Variants in PLD5 observed in about 807,000 individuals in gnomAD.
The protein encoded by PLD5 is phospholipase D family member 5, also known as inactive phospholipase D5.
PLD5 carries 36 observed loss-of-function variants against 61.1 expected under a neutral mutation model. The observed-to-expected ratio is 0.59, with a 90% confidence interval of 0.45 to 0.78. The LOEUF is 0.78. Ranked by LOEUF, PLD5 falls within the 30% of genes least tolerant of loss-of-function variation. The pLI is 0.00. For synonymous variants in PLD5, 243 were observed against 242.8 expected, an observed-to-expected ratio of 1.00 and a Z score of -0.01; for missense variants, 515 against 644.4, an observed-to-expected ratio of 0.80 and a Z score of 2.17.
chr1:242,270,083 T>A (rs896787434), intron 3 of PLD5, among the ~76,000 whole-genome samples: 5 of 151,606 alleles, frequency 3.3e-5, no homozygotes, highest in African/African-American at 1.2e-4. Context: ...CCCAAAGTCA[T>A]GTTAGAGAAA....
At chr1:242,470,301 C>T (rs1424123962) in intron 1 of PLD5, among the ~76,000 whole-genome samples, 1 of 150,674 alleles carries the variant, frequency 6.6e-6, no homozygotes, top group Non-Finnish European at 1.5e-5. Context: ...GAGATCGCAC[C>T]ACTGCACTCC....
At chr1:242,219,418 T>A (rs576038717) in intron 5 of PLD5, among the ~76,000 whole-genome samples, 1 of 152,152 alleles carries the variant, frequency 6.6e-6, no homozygotes, top group Non-Finnish European at 1.5e-5. Flanking sequence ...AAGCATCCAA[T>A]GACTAGGAAC....
chr1:242,252,591 G>A (rs1672766771), intron 4 of PLD5, among the ~76,000 whole-genome samples: 2 of 152,070 alleles, frequency 1.3e-5, no homozygotes, highest in African/African-American at 4.8e-5. Flanking sequence ...GAACATACAC[G>A]TGGATGTGTG....
intron 3 of PLD5, among the ~76,000 whole-genome samples, chr1:242,288,032 C>T (rs1008182364): frequency 8.5e-5 from 13 of 152,136 alleles, no homozygotes; most frequent in Admixed American, 4.6e-4. Flanking sequence ...GCTAGTTGGG[C>T]GAAGCAGAAT....
rs1377532947 is a variant in PLD5, at chr1:242,242,004, T to TAGACACACACAC, written c.608-21890_608-21889insGTGTGTGTGTCT. On this transcript the variant is annotated intron_variant, in intron 4 of 9. Coordinates refer to ENST00000536534, the MANE Select transcript of PLD5 (RefSeq NM_001372062.1). ...TATATATACTTACTATATATATATA[T>TAGACACACACAC]ATATATAGACACACACACACACACA... 6.1e-4 allele frequency among the ~76,000 whole-genome samples: 81 copies of TAGACACACACAC among 132,844 alleles called. 1 individual carries two copies. The highest frequency in any genetic ancestry group is 2.0e-3 in the African/African-American group (67 of 33,258). 87.2% of individuals were successfully genotyped at this position (132,844 alleles called of 152,430 possible).
intron 1 of PLD5, among the ~76,000 whole-genome samples, chr1:242,500,172 G>A (rs1002085200): frequency 6.6e-6 from 1 of 152,206 alleles, no homozygotes; most frequent in East Asian, 1.9e-4. Flanking sequence ...GGGCCAGCCA[G>A]TTTCAAGGGA....
At chr1:242,522,112 G>C (rs1669299739) in intron 1 of PLD5, among the ~76,000 whole-genome samples, 1 of 152,210 alleles carries the variant, frequency 6.6e-6, no homozygotes, top group South Asian at 2.1e-4. Flanking sequence ...AATTGAAAGG[G>C]TGTGTAGAGA....
chr1:242,448,357 C>G (rs940076648), intron 1 of PLD5, among the ~76,000 whole-genome samples: 5 of 152,310 alleles, frequency 3.3e-5, no homozygotes, highest in Admixed American at 2.6e-4. Flanking sequence ...CATCACCAGT[C>G]TCTTCATTCA....
At chr1:242,377,790 T>C (rs1307274416) in intron 1 of PLD5, among the ~76,000 whole-genome samples, 4 of 152,122 alleles carry the variant, frequency 2.6e-5, no homozygotes, top group Non-Finnish European at 2.9e-5. Flanking sequence ...AACATCACTA[T>C]AGAAAAATGC....
intron 1 of PLD5, among the ~76,000 whole-genome samples, chr1:242,379,967 A>T (rs1056886987): frequency 1.3e-5 from 2 of 152,196 alleles, no homozygotes; most frequent in Non-Finnish European, 2.9e-5. Flanking sequence ...TATTAATAAG[A>T]TTATACAACA....
chr1:242,440,033 A>G (rs1666199544), intron 1 of PLD5, among the ~76,000 whole-genome samples: 3 of 152,158 alleles, frequency 2.0e-5, no homozygotes, highest in Non-Finnish European at 4.4e-5. Flanking sequence ...CAATCCTTTA[A>G]ATATCACCAT....
At chr1:242,518,096 A>T (rs1296084750) in intron 1 of PLD5, among the ~76,000 whole-genome samples, 1 of 152,180 alleles carries the variant, frequency 6.6e-6, no homozygotes, top group Non-Finnish European at 1.5e-5. Flanking sequence ...CCAGGCAGGT[A>T]GTTCAACTTG....
intron 4 of PLD5, among the ~76,000 whole-genome samples, chr1:242,262,367 G>A (rs1375893231): frequency 2.6e-5 from 4 of 152,178 alleles, no homozygotes; most frequent in Admixed American, 6.5e-5. Context: ...ATCTTGACCC[G>A]TGACGGTTTT....
rs535501326 is a variant in PLD5 at position 242,382,848 on chromosome 1, A to G, written c.190-34606T>C. On this transcript the variant is annotated intron_variant, in intron 1 of 9. Transcript: ENST00000536534. ...ATATGTTTCATCAAAATAAATATTG[A>G]TGGTTATTAATTATATCCAAAAAGG... Among the ~76,000 whole-genome samples the G allele has an allele frequency of 3.3e-3, 507 of 152,328 alleles. 4 individuals carry two copies. Among genetic ancestry groups the G allele is most frequent in the African/African-American group, 0.012 (484 of 41,572 alleles).
intron 3 of PLD5, among the ~76,000 whole-genome samples, chr1:242,277,090 C>T (rs1302473271): frequency 2.6e-5 from 4 of 152,080 alleles, no homozygotes; most frequent in South Asian, 2.1e-4. Context: ...TGGGGTTGCT[C>T]GAGCGTCCAC....
At chr1:242,482,611 G>A (rs1306081828) in intron 1 of PLD5, among the ~76,000 whole-genome samples, 1 of 152,194 alleles carries the variant, frequency 6.6e-6, no homozygotes, top group African/African-American at 2.4e-5. Flanking sequence ...TGGGGAGAAT[G>A]GAACCAAGTT....
At chr1:242,186,303 C>T (rs923511249) in intron 5 of PLD5, among the ~76,000 whole-genome samples, 1 of 152,072 alleles carries the variant, frequency 6.6e-6, no homozygotes, top group Non-Finnish European at 1.5e-5. Flanking sequence ...CTGCCTCAGC[C>T]TCCCGAGTAG....
At chr1:242,235,996 C>T (rs532744121) in intron 4 of PLD5, 4 of 152,330 alleles carry the variant, frequency 2.6e-5, no homozygotes, top group African/African-American at 9.6e-5. Flanking sequence ...CAAGCACATG[C>T]ACAAGTGACT....
chr1:242,105,184 T>C (rs1660950020), intron 8 of PLD5, among the ~76,000 whole-genome samples: 1 of 151,412 alleles, frequency 6.6e-6, no homozygotes, highest in African/African-American at 2.4e-5. Context: ...GCTTCGGCTA[T>C]AGGGACTGGG....
Sources: gnomAD v4.1 joint callset for allele counts (sites outside exome capture counted in the v4.1 genomes callset) on GRCh38, gnomAD v4.1.1 for gene constraint, MANE v1.5 for transcripts, NCBI Gene and HGNC (gene_info 2026-07-23, HGNC 2026-07-21) for gene names.